The following ZNHIT6 variants were observed in gnomAD, a reference collection of about 807,000 sequenced individuals.
The protein encoded by ZNHIT6 is zinc finger HIT-type containing 6.
A neutral mutation model predicts 57.2 loss-of-function variants in ZNHIT6; 45 were observed. That is an observed-to-expected ratio of 0.79 (90% CI 0.62 to 1.01). The LOEUF is 1.01. Among genes scored for constraint, ZNHIT6 ranks in the 50% least tolerant of loss-of-function variants. ZNHIT6 has a pLI of 0.00. For missense variants in ZNHIT6, 528 were observed against 567.3 expected (o/e 0.93, Z 0.70); for synonymous variants, 188 against 190.0 (o/e 0.99, Z 0.09).
intron 5 of ZNHIT6, among the ~76,000 whole-genome samples, chr1:85,701,187 G>A (rs1245763914): frequency 6.6e-6 from 1 of 152,168 alleles, no homozygotes; most frequent in South Asian, 2.1e-4. Flanking sequence ...AAAGATAGAA[G>A]CTTCACTAGA....
At position 85,653,116 on chromosome 1, in the gene ZNHIT6, C is replaced by G. The variant is rs995586195; in HGVS notation, c.*942G>C. The G allele has an allele frequency of 6.6e-6, 1 of 152,038 alleles. No individual in the cohort carries two copies. Among genetic ancestry groups the G allele is most frequent in the Non-Finnish European group, 1.5e-5 (1 of 68,018 alleles). The allele number at this position is 152,038 out of a possible 1,614,324, so 9.4% of individuals were successfully genotyped here. ...TGGGCTAGGAATGTGATGAAAGGCA[C>G]AGAATTCATAAGACTTGAGTAAGTA... is the stretch of plus-strand genomic sequence containing the variant. On this transcript the variant is annotated 3_prime_UTR_variant, in exon 10 of 10. Transcript: ENST00000370574.
intron 5 of ZNHIT6, among the ~76,000 whole-genome samples, chr1:85,685,744 A>G (rs905965859): frequency 6.6e-6 from 1 of 152,028 alleles, no homozygotes; most frequent in Non-Finnish European, 1.5e-5. Flanking sequence ...ATTTTAGTAG[A>G]GACAAGCTCT....
chr1:85,694,526 A>G (rs1054316335), intron 5 of ZNHIT6, among the ~76,000 whole-genome samples: 1 of 152,110 alleles, frequency 6.6e-6, no homozygotes, highest in Non-Finnish European at 1.5e-5. Flanking sequence ...CAGTTGCACA[A>G]TCTTGGCTCA....
chr1:85,708,379 GC>G lies in ZNHIT6; in HGVS notation c.-96del. The G allele has an allele frequency of 6.9e-7, 1 of 1,458,968 alleles. No homozygotes were observed. Among genetic ancestry groups the G allele is most frequent in the East Asian group, 2.3e-5 (1 of 42,956 alleles). 90.4% of individuals were successfully genotyped at this position (1,458,968 alleles called of 1,614,324 possible). The stretch of plus-strand genomic sequence containing the variant: ...ATTACCGGTCGGAATACCTACGGCG[GC>G]CCACGTGTGGAGCCAAGCAGCCACA... On this transcript the variant is annotated 5_prime_UTR_variant, in exon 1 of 10. Transcript: ENST00000370574.
At chr1:85,689,603 GAA>G (rs1306912755) in intron 5 of ZNHIT6, among the ~76,000 whole-genome samples, 1 of 152,150 alleles carries the variant, frequency 6.6e-6, no homozygotes, top group East Asian at 1.9e-4. Flanking sequence ...GGCTTTAGTA[GAA>G]AGTATATTAA....
intron 8 of ZNHIT6, among the ~76,000 whole-genome samples, chr1:85,670,152 C>T (rs17128071): frequency 6.6e-6 from 1 of 151,934 alleles, no homozygotes; most frequent in African/African-American, 2.4e-5. Flanking sequence ...TAAAAAAAAC[C>T]CTTTAGAGCA....
At chr1:85,656,535 T>C (rs1469725404) in intron 9 of ZNHIT6, among the ~76,000 whole-genome samples, 1 of 152,176 alleles carries the variant, frequency 6.6e-6, no homozygotes, top group African/African-American at 2.4e-5. Context: ...GCTACTAACC[T>C]ACATTACTAA....
intron 7 of ZNHIT6, 76 bp from the exon 8 acceptor site, chr1:85,677,389 T>C: frequency 2.6e-6 from 3 of 1,144,866 alleles, no homozygotes; most frequent in Non-Finnish European, 3.7e-6. Context: ...AGACTAAGCA[T>C]TTGTACCTAA....
chr1:85,673,806 C>T (rs1373005374), intron 8 of ZNHIT6, among the ~76,000 whole-genome samples: 1 of 152,084 alleles, frequency 6.6e-6, no homozygotes, highest in African/African-American at 2.4e-5. Flanking sequence ...AATGTAAATG[C>T]TCATCTTAGT....
chr1:85,677,166 TA>T (rs1244076413), intron 8 of ZNHIT6, 69 bp downstream of exon 8: 5 of 1,148,880 alleles, frequency 4.4e-6, no homozygotes, highest in Non-Finnish European at 6.1e-6. Flanking sequence ...TAACTTGAGC[TA>T]ATCAAGCTAC....
At chr1:85,664,409 A>AT (rs1661307918) in intron 8 of ZNHIT6, among the ~76,000 whole-genome samples, 1 of 152,210 alleles carries the variant, frequency 6.6e-6, no homozygotes, top group African/African-American at 2.4e-5. Flanking sequence ...TGTTAGGTTC[A>AT]TTTTTACATT....
chr1:85,676,254 T>C (rs1661699440), intron 8 of ZNHIT6, among the ~76,000 whole-genome samples: 1 of 150,212 alleles, frequency 6.7e-6, no homozygotes, highest in Non-Finnish European at 1.5e-5. Context: ...AAGAATCGCT[T>C]GAACCTGGGA....
rs563593728 is a variant in ZNHIT6, at chr1:85,684,119, A to G, written c.1020-3215T>C. 1.0e-3 allele frequency among the ~76,000 whole-genome samples: 154 copies of G among 152,346 alleles called. 1 individual carries two copies. Among genetic ancestry groups the G allele is most frequent in the African/African-American group, 3.6e-3 (150 of 41,588 alleles). Reference sequence around the variant, plus strand: ...ACAATAATGTCACTATACCCTTGGCATATCAACGTTCTCAAAAATGGTATT... The same window carrying G: ...ACAATAATGTCACTATACCCTTGGCGTATCAACGTTCTCAAAAATGGTATT... On this transcript the variant is annotated intron_variant, in intron 5 of 9. Transcript: ENST00000370574.
chr1:85,661,821 T>C (rs1661230498), intron 8 of ZNHIT6, among the ~76,000 whole-genome samples: 1 of 152,184 alleles, frequency 6.6e-6, no homozygotes, highest in Admixed American at 6.5e-5. Context: ...TCTGCTACCA[T>C]AAGACAAACT....
At chr1:85,666,757 A>T (rs1661382334) in intron 8 of ZNHIT6, among the ~76,000 whole-genome samples, 1 of 152,226 alleles carries the variant, frequency 6.6e-6, no homozygotes, top group Non-Finnish European at 1.5e-5. Context: ...TGATAAAAAA[A>T]GTTTAGCAAA....
Position 85,649,626 on chromosome 1 carries a change from A to G in ZNHIT6, c.*4432T>C, listed in dbSNP as rs1660849105. On this transcript the variant is annotated 3_prime_UTR_variant, in exon 10 of 10. Transcript: ENST00000370574. ...TTAGTTTTCAAAGACCAAAGTTTAA[A>G]GAAAATACTTTTTAGTCAAGTACAG... The G allele has an allele frequency of 3.3e-5, 5 of 152,338 alleles. No homozygotes were observed. The South Asian group carries it at 1.0e-3, about 32-fold the overall frequency. The allele number at this position is 152,338 out of a possible 1,614,324, so 9.4% of individuals were successfully genotyped here.
At chr1:85,668,657 T>A (rs1478556971) in intron 8 of ZNHIT6, among the ~76,000 whole-genome samples, 5 of 152,226 alleles carry the variant, frequency 3.3e-5, no homozygotes, top group Admixed American at 3.3e-4. Flanking sequence ...ATTTAGAGTA[T>A]CTTCAAAGTA....
At chr1:85,694,089 G>A (rs1014313284) in intron 5 of ZNHIT6, among the ~76,000 whole-genome samples, 1 of 152,322 alleles carries the variant, frequency 6.6e-6, no homozygotes, top group Non-Finnish European at 1.5e-5. Flanking sequence ...AGGAAGAGAG[G>A]AAATGACAAG....
At position 85,650,947 on chromosome 1, in the gene ZNHIT6, T is replaced by TAGCACA. The variant is rs1374741535; in HGVS notation, c.*3110_*3111insTGTGCT. On this transcript the variant is annotated 3_prime_UTR_variant, in exon 10 of 10. Coordinates refer to ENST00000370574, the MANE Select transcript of ZNHIT6 (RefSeq NM_017953.4). Reference sequence around the variant, plus strand: ...CAACACTAGCACATGGGGAATCTAATTTCAACATGAGTTTTGGTAGGAACA... The same window carrying TAGCACA: ...CAACACTAGCACATGGGGAATCTAATAGCACATTCAACATGAGTTTTGGTAGGAACA... The TAGCACA allele has an allele frequency of 1.3e-5, 2 of 152,190 alleles. No homozygotes were observed. Among genetic ancestry groups the TAGCACA allele is most frequent in the African/African-American group, 2.4e-5 (1 of 41,450 alleles). The allele number at this position is 152,190 out of a possible 1,614,324, so 9.4% of individuals were successfully genotyped here.
Sources: allele counts gnomAD v4.1 joint callset (sites outside exome capture counted in the v4.1 genomes callset), GRCh38; gene constraint gnomAD v4.1.1; transcripts MANE v1.5; gene names NCBI Gene and HGNC (gene_info 2026-07-23, HGNC 2026-07-21).